Variants in SUMF1 observed in about 807,000 individuals in gnomAD.
SUMF1 encodes formylglycine-generating enzyme.
Under a neutral mutation model 47.6 loss-of-function variants are expected in SUMF1, and 48 were observed. That is an observed-to-expected ratio of 1.01 (90% CI 0.80 to 1.28). The LOEUF is 1.28. SUMF1 is among the 50% of genes most tolerant of loss of function. The pLI, the probability that SUMF1 is intolerant of heterozygous loss-of-function variation, is 0.00. For synonymous variants in SUMF1, 230 were observed against 192.1 expected (o/e 1.20, Z -1.63); for missense variants, 571 against 485.4 (o/e 1.18, Z -1.66).
intron 8 of SUMF1, among the ~76,000 whole-genome samples, chr3:4,116,804 A>G (rs1041854597): frequency 1.3e-5 from 2 of 152,116 alleles, no homozygotes; most frequent in African/African-American, 2.4e-5. Context: ...AGCAATTTCT[A>G]TCAGGTCACT....
chr3:4,197,332 C>G (rs926858955), intron 8 of SUMF1, among the ~76,000 whole-genome samples: 3 of 152,196 alleles, frequency 2.0e-5, no homozygotes. Flanking sequence ...CCAGTATGGG[C>G]TCAAGTGATC....
In SUMF1 at chr3:4,381,371, C is replaced by A. The variant is rs78545200; in HGVS notation, c.955-4982G>T. Among the ~76,000 whole-genome samples the A allele has an allele frequency of 5.3e-3, 800 of 152,254 alleles. 7 individuals carry two copies. Among genetic ancestry groups the A allele is most frequent in the African/African-American group, 0.018 (755 of 41,542 alleles). ...GAAGGGGGTGACGGATAAAAGGCTA[C>A]AAATCGGGTGCAGTGTGCACTGCTC... On this transcript the variant is annotated intron_variant, in intron 7 of 8. Transcript: ENST00000272902.
At chr3:4,098,257 C>T (rs1692950413) in intron 8 of SUMF1, among the ~76,000 whole-genome samples, 1 of 152,044 alleles carries the variant, frequency 6.6e-6, no homozygotes, top group Non-Finnish European at 1.5e-5. Flanking sequence ...AGAGGATCAA[C>T]AAAACTATAA....
chr3:4,170,894 T>C (rs527246582), intron 8 of SUMF1, among the ~76,000 whole-genome samples: 87 of 152,232 alleles, frequency 5.7e-4, no homozygotes, highest in African/African-American at 1.9e-3. Context: ...CAGAAGCAGA[T>C]GAAGTCAGTC....
chr3:4,071,337 G>C (rs1162024870), intron 8 of SUMF1, among the ~76,000 whole-genome samples: 1 of 152,150 alleles, frequency 6.6e-6, no homozygotes, highest in African/African-American at 2.4e-5. Context: ...GCCAAAGCAG[G>C]GTGGGGCATC....
At chr3:4,229,958 A>G (rs1696261777) in intron 8 of SUMF1, among the ~76,000 whole-genome samples, 1 of 152,116 alleles carries the variant, frequency 6.6e-6, no homozygotes, top group Non-Finnish European at 1.5e-5. Flanking sequence ...CACTGCAGTC[A>G]GCTATAATTG....
chr3:4,038,458 C>G (rs1694844077), intron 9 of SUMF1, among the ~76,000 whole-genome samples: 1 of 152,164 alleles, frequency 6.6e-6, no homozygotes, highest in South Asian at 2.1e-4. Context: ...AGTACCACTA[C>G]AGAGGCAGTA....
chr3:4,306,558 A>AG (rs1698199208), intron 8 of SUMF1, among the ~76,000 whole-genome samples: 1 of 152,232 alleles, frequency 6.6e-6, no homozygotes, highest in African/African-American at 2.4e-5. Flanking sequence ...AGTTACAAAA[A>AG]TAAGACAGGA....
intron 8 of SUMF1, among the ~76,000 whole-genome samples, chr3:4,128,781 G>C (rs1026747472): frequency 2.6e-5 from 4 of 152,138 alleles, no homozygotes; most frequent in Admixed American, 1.3e-4. Context: ...GATAGTAAGG[G>C]TGTGGGATAA....
chr3:4,187,235 G>A (rs116012611), intron 8 of SUMF1, among the ~76,000 whole-genome samples: 36,531 of 151,754 alleles, frequency 0.24, 5,265 homozygotes, highest in East Asian at 0.4. Flanking sequence ...CCAGCGCAAT[G>A]TCAGGTACCT....
intron 3 of SUMF1, among the ~76,000 whole-genome samples, chr3:4,446,786 T>A (rs548311082): frequency 6.6e-6 from 1 of 152,272 alleles, no homozygotes; most frequent in South Asian, 2.1e-4. Context: ...CAGGAAAGTC[T>A]CCAGGCTAAA....
chr3:4,105,514 G>A (rs1174023890), intron 8 of SUMF1, among the ~76,000 whole-genome samples: 1 of 152,052 alleles, frequency 6.6e-6, no homozygotes, highest in Non-Finnish European at 1.5e-5. Context: ...ATCATTGAAT[G>A]AAATACTGAA....
At chr3:4,313,334 A>C (rs375067012) in intron 8 of SUMF1, 206 of 1,613,922 alleles carry the variant, frequency 1.3e-4, no homozygotes, top group Non-Finnish European at 1.7e-4. Flanking sequence ...GCCATCAGGG[A>C]ACATGTTTAT....
chr3:4,418,114 G>A lies in SUMF1; in HGVS notation c.621C>T (p.Leu207=), dbSNP rs777887933. Residue 207 remains leucine (L), a synonymous_variant, in exon 5 of 9, where the codon CTC becomes CTT. Transcript: ENST00000272902. The part of the protein sequence containing the change: ...TILHRPDHPV[L]HVSWNDAVAY... ...CAACCGCATCATTCCAGGACACATG[G>A]AGAACTGGATGATCCGGCCTGGGGA... 9.9e-6 allele frequency: 16 copies of A among 1,613,982 alleles called. No homozygotes were observed. Among genetic ancestry groups the A allele is most frequent in the Non-Finnish European group, 1.3e-5 (15 of 1,179,924 alleles).
At position 4,362,274 on chromosome 3, in the gene SUMF1, A is replaced by C; in HGVS notation, c.1015-20T>G. 1 of 1,605,334 alleles carries C rather than the reference A, an allele frequency of 6.2e-7. No individual in the cohort carries two copies. On this transcript the variant is annotated intron_variant, in intron 8 of 8. Transcript: ENST00000272902. ...ATAAGACTGTGTAGAGAGAAAGAGCAAGGTAAGTGCTACTGGGACTCTCAG... is the reference window on the plus strand; with the variant it reads ...ATAAGACTGTGTAGAGAGAAAGAGCCAGGTAAGTGCTACTGGGACTCTCAG...
intron 3 of SUMF1, among the ~76,000 whole-genome samples, chr3:4,428,083 T>C (rs1359219586): frequency 2.0e-5 from 3 of 152,214 alleles, no homozygotes; most frequent in Non-Finnish European, 2.9e-5. Flanking sequence ...TTCAGAATCA[T>C]TTATTTCATA....
At chr3:4,230,570 G>A (rs1308018591) in intron 8 of SUMF1, among the ~76,000 whole-genome samples, 2 of 152,084 alleles carry the variant, frequency 1.3e-5, no homozygotes, top group Non-Finnish European at 2.9e-5. Flanking sequence ...CTCCGGATAC[G>A]CCACCTTCCC....
intron 8 of SUMF1, among the ~76,000 whole-genome samples, chr3:4,133,915 T>C (rs1288770520): frequency 6.6e-6 from 1 of 152,008 alleles, no homozygotes; most frequent in Non-Finnish European, 1.5e-5. Context: ...ATCATTAAAA[T>C]TGGGATGGGA....
intron 8 of SUMF1, among the ~76,000 whole-genome samples, chr3:4,311,892 A>G (rs905943001): frequency 6.6e-6 from 1 of 152,248 alleles, no homozygotes; most frequent in Non-Finnish European, 1.5e-5. Context: ...CATGAGAGAT[A>G]CTTTAATCTG....
Sources: gnomAD v4.1 joint callset for allele counts (sites outside exome capture counted in the v4.1 genomes callset) on GRCh38, gnomAD v4.1.1 for gene constraint, MANE v1.5 for transcripts, NCBI Gene and HGNC (gene_info 2026-07-23, HGNC 2026-07-21) for gene names.